The following CALD1 variants were observed in gnomAD, a reference collection of about 807,000 sequenced individuals.
CALD1 encodes the protein caldesmon.
CALD1 carries 33 observed loss-of-function variants against 99.9 expected under a neutral mutation model. The ratio of observed to expected loss-of-function variants is 0.33; its 90% CI spans 0.25 to 0.44. The LOEUF is 0.44. Ranked by LOEUF, CALD1 falls within the 20% of genes least tolerant of loss-of-function variation. The pLI, the probability that CALD1 is intolerant of heterozygous loss-of-function variation, is 1.00. For synonymous variants in CALD1, 310 were observed against 325.0 expected, an observed-to-expected ratio of 0.95 and a Z score of 0.50; for missense variants, 861 against 962.1, an observed-to-expected ratio of 0.89 and a Z score of 1.39.
At chr7:134,891,666 C>T (rs1586217980) in intron 3 of CALD1, 1 of 1,606,076 alleles carries the variant, frequency 6.2e-7, no homozygotes, top group Non-Finnish European at 8.5e-7. Flanking sequence ...CCTGGCCGCG[C>T]TCTCCCAGTG....
intron 1 of CALD1, among the ~76,000 whole-genome samples, chr7:134,752,053 T>C (rs948578417): frequency 6.6e-6 from 1 of 152,186 alleles, no homozygotes; most frequent in Non-Finnish European, 1.5e-5. Flanking sequence ...AGAAATGTCA[T>C]TCATGCAATA....
chr7:134,921,929 A>G (rs1171125906), intron 3 of CALD1, among the ~76,000 whole-genome samples: 1 of 152,252 alleles, frequency 6.6e-6, no homozygotes, highest in Non-Finnish European at 1.5e-5. Context: ...AAAAAATGAA[A>G]GAACCCAAAA....
intron 3 of CALD1, among the ~76,000 whole-genome samples, chr7:134,910,497 A>G (rs1803723656): frequency 6.6e-6 from 1 of 152,202 alleles, no homozygotes; most frequent in African/African-American, 2.4e-5. Flanking sequence ...GAGAAAGAAT[A>G]TAAGAAATTT....
At chr7:134,733,808 C>CA in the CALD1 span, among the ~76,000 whole-genome samples, 37 of 126,276 alleles carry the variant, frequency 2.9e-4, no homozygotes, top group African/African-American at 4.4e-4. Flanking sequence ...GACTCTGTCT[C>CA]AAAAAAAAAA....
intron 1 of CALD1, among the ~76,000 whole-genome samples, chr7:134,793,916 C>T (rs140435399): frequency 1.6e-3 from 247 of 151,844 alleles, no homozygotes; most frequent in African/African-American, 5.6e-3. Context: ...CTTTTATCTC[C>T]TCCTCATTCC....
chr7:134,825,269 C>CAT (rs1401185408), intron 1 of CALD1, among the ~76,000 whole-genome samples: 1 of 152,090 alleles, frequency 6.6e-6, no homozygotes, highest in Non-Finnish European at 1.5e-5. Flanking sequence ...CAGATGGAGT[C>CAT]ATACATTTGG....
chr7:134,822,121 C>T (rs1798808374), intron 1 of CALD1: 1 of 152,238 alleles, frequency 6.6e-6, no homozygotes, highest in African/African-American at 2.4e-5. Flanking sequence ...CTTTGTGGCA[C>T]ATCACCCAAT....
At chr7:134,762,095 C>G (rs1307679442) in intron 1 of CALD1, among the ~76,000 whole-genome samples, 1 of 152,196 alleles carries the variant, frequency 6.6e-6, no homozygotes, top group Non-Finnish European at 1.5e-5. Flanking sequence ...TATCTTCCAA[C>G]TGATCTTAGT....
chr7:134,791,661 G>GAAAAACA (rs1304861845), intron 1 of CALD1, among the ~76,000 whole-genome samples: 1 of 140,502 alleles, frequency 7.1e-6, no homozygotes, highest in Non-Finnish European at 1.6e-5. Context: ...CCAGGGAAAT[G>GAAAAACA]AAAAACAAAA....
rs145193752 is a variant in CALD1 at position 134,933,892 on chromosome 7, G to A, written c.1123G>A (p.Ala375Thr). The A allele has an allele frequency of 4.3e-5, 70 of 1,613,694 alleles. No homozygotes were observed. Among genetic ancestry groups the A allele is most frequent in the Non-Finnish European group, 2.8e-5 (33 of 1,179,836 alleles). The change falls in exon 5 of 15, where the codon GCA becomes ACA. Residue 375 changes from alanine to threonine, a missense_variant. This residue lies in a region of CALD1 where 293 missense variants were observed against 262.7 expected (regional missense o/e 1.12). Coordinates refer to ENST00000361675, the MANE Select transcript of CALD1 (RefSeq NM_033138.4). ...RAAEERQRAR[A>T]EEEEKAKVEE... is the part of the protein sequence containing the mutation. Reference sequence around the variant, plus strand: ...AGCAGAGGAGAGGCAAAGGGCCAGGGCAGAGGAGGAAGAGAAGGCTAAGGT... The same window carrying A: ...AGCAGAGGAGAGGCAAAGGGCCAGGACAGAGGAGGAAGAGAAGGCTAAGGT...
chr7:134,928,035 G>T, intron 3 of CALD1: 1 of 246,662 alleles, frequency 4.1e-6, no homozygotes, highest in South Asian at 4.6e-5. Flanking sequence ...ATTCTTTTCT[G>T]ATCTTCGTGA....
At chr7:134,804,232 T>C (rs1224775644) in intron 1 of CALD1, among the ~76,000 whole-genome samples, 1 of 152,230 alleles carries the variant, frequency 6.6e-6, no homozygotes, top group Non-Finnish European at 1.5e-5. Flanking sequence ...GCTTACCACA[T>C]AGTATACTAT....
intron 2 of CALD1, among the ~76,000 whole-genome samples, chr7:134,846,045 C>T (rs901491467): frequency 6.6e-6 from 1 of 152,232 alleles, no homozygotes; most frequent in Non-Finnish European, 1.5e-5. Context: ...CATTGTCCAA[C>T]TCCCCTGCTG....
the CALD1 span, among the ~76,000 whole-genome samples, chr7:134,737,651 T>A: frequency 1.3e-4 from 20 of 152,328 alleles, no homozygotes; most frequent in African/African-American, 4.3e-4. Flanking sequence ...GTAGTGCTCG[T>A]GAATTCTAAT....
intron 1 of CALD1, among the ~76,000 whole-genome samples, chr7:134,756,361 T>C (rs1434641677): frequency 6.6e-6 from 1 of 151,876 alleles, no homozygotes; most frequent in Non-Finnish European, 1.5e-5. Flanking sequence ...TATGGCATTT[T>C]TTTCCTATAT....
chr7:134,844,712 TC>T (rs887713812), intron 2 of CALD1, among the ~76,000 whole-genome samples: 2 of 152,282 alleles, frequency 1.3e-5, no homozygotes, highest in African/African-American at 4.8e-5. Context: ...AGGGTAGAAG[TC>T]TGAGATCAAA....
chr7:134,773,465 G>T (rs1318220858), intron 1 of CALD1, among the ~76,000 whole-genome samples: 1 of 151,716 alleles, frequency 6.6e-6, no homozygotes, highest in African/African-American at 2.4e-5. Context: ...ATAGAGACAG[G>T]GTTTCGCCCT....
intron 3 of CALD1, among the ~76,000 whole-genome samples, chr7:134,906,192 A>G (rs1803369367): frequency 6.6e-6 from 1 of 151,544 alleles, no homozygotes; most frequent in African/African-American, 2.4e-5. Context: ...AGACTCCCAA[A>G]GTGCTGGGAT....
At chr7:134,945,678 G>C (rs1806804433) in intron 7 of CALD1, among the ~76,000 whole-genome samples, 1 of 152,172 alleles carries the variant, frequency 6.6e-6, no homozygotes, top group Admixed American at 6.5e-5. Flanking sequence ...TGACATGTAA[G>C]TAATAACCTT....
Sources: gnomAD v4.1 joint callset for allele counts (sites outside exome capture counted in the v4.1 genomes callset) on GRCh38, gnomAD v4.1.1 for gene constraint, gnomAD v4.1.1 regional missense constraint, MANE v1.5 for transcripts, NCBI Gene and HGNC (gene_info 2026-07-23, HGNC 2026-07-21) for gene names.